The following RND1 variants were observed in gnomAD, a reference collection of about 807,000 sequenced individuals.
RND1 encodes rho-related GTP-binding protein Rho6.
Under a neutral mutation model 27.1 loss-of-function variants are expected in RND1, and 9 were observed. That is an observed-to-expected ratio of 0.33 (90% CI 0.20 to 0.58). RND1 has a LOEUF of 0.58. Among genes scored for constraint, RND1 ranks in the 20% least tolerant of loss-of-function variants. RND1 has a pLI of 0.86. For missense variants in RND1, 253 were observed against 292.2 expected, an observed-to-expected ratio of 0.87 and a Z score of 0.98; for synonymous variants, 108 against 115.7, an observed-to-expected ratio of 0.93 and a Z score of 0.43.
chr12:48,860,896 C>G, intron 4 of RND1, 101 bp downstream of exon 4: 3 of 1,541,072 alleles, frequency 1.9e-6, no homozygotes, highest in Non-Finnish European at 2.7e-6. Context: ...GCAATTCTCT[C>G]TTGCCATAGT....
At chr12:48,861,242 C>T (rs1938916190) in intron 3 of RND1, 111 bp from the exon 4 acceptor site, 4 of 1,036,518 alleles carry the variant, frequency 3.9e-6, no homozygotes, top group African/African-American at 1.6e-5. Flanking sequence ...TCACCTCACT[C>T]ATCACCAGCC....
rs1423539913 is a variant in RND1, at chr12:48,865,633, G to A, written c.120+15C>T. 1 of 1,607,562 alleles carries A rather than the reference G, an allele frequency of 6.2e-7. No individual in the cohort carries two copies. Among genetic ancestry groups the A allele is most frequent in the South Asian group, 1.1e-5 (1 of 90,176 alleles). On this transcript the variant is annotated intron_variant, in intron 1 of 4. Coordinates refer to ENST00000309739, the MANE Select transcript of RND1 (RefSeq NM_014470.4). ...CAGGGAGAAAAGCCGGCCAGCGGGC[G>A]GGCGGGCAGCTCACCTCTGGATAGC... is the stretch of plus-strand genomic sequence containing the variant.
At chr12:48,861,974 C>G (rs1938924026) in intron 3 of RND1, 35 bp downstream of exon 3, 1 of 1,220,218 alleles carries the variant, frequency 8.2e-7, no homozygotes, top group African/African-American at 1.5e-5. Context: ...GGTCCTCATG[C>G]TGAGTTAGAG....
At chr12:48,860,899 G>T in intron 4 of RND1, 98 bp downstream of exon 4, 1 of 1,540,684 alleles carries the variant, frequency 6.5e-7, no homozygotes, top group Non-Finnish European at 8.9e-7. Context: ...ATTCTCTCTT[G>T]CCATAGTGGA....
At position 48,857,327 on chromosome 12, in the gene RND1, C is replaced by A. The variant is rs1409724704; in HGVS notation, c.*669G>T. On this transcript the variant is annotated 3_prime_UTR_variant, in exon 5 of 5. Coordinates refer to ENST00000309739, the MANE Select transcript of RND1 (RefSeq NM_014470.4). ...TGGTGACCCCCACCCAGCCCTGCCC[C>A]TGCAGCACCACCACCCCCACACTCT... 2.6e-5 allele frequency: 4 copies of A among 152,342 alleles called. No homozygotes were observed. The highest frequency in any genetic ancestry group is 5.9e-5 in the Non-Finnish European group (4 of 68,008). The allele number at this position is 152,342 out of a possible 1,614,324, so 9.4% of individuals were successfully genotyped here.
intron 4 of RND1, among the ~76,000 whole-genome samples, chr12:48,860,700 G>C (rs1938909226): frequency 7.0e-6 from 1 of 142,708 alleles, no homozygotes; most frequent in Non-Finnish European, 1.6e-5. Context: ...CTTGCACCTG[G>C]CCTCTTTTTT....
intron 2 of RND1, among the ~76,000 whole-genome samples, chr12:48,862,705 C>G (rs1938932595): frequency 6.6e-6 from 1 of 152,164 alleles, no homozygotes; most frequent in South Asian, 2.1e-4. Context: ...CTGACCGCCC[C>G]ACATCTCAGG....
chr12:48,864,428 C>CGCGCGCGCGCGT (rs776739044), intron 2 of RND1, among the ~76,000 whole-genome samples: 9 of 147,466 alleles, frequency 6.1e-5, no homozygotes, highest in African/African-American at 2.3e-4. Flanking sequence ...CGCGCGCGCG[C>CGCGCGCGCGCGT]GTGTGTGTGC....
intron 3 of RND1, 72 bp from the exon 4 acceptor site, chr12:48,861,203 G>A: frequency 1.3e-6 from 2 of 1,500,004 alleles, no homozygotes; most frequent in Non-Finnish European, 9.0e-7. Context: ...CAGATACCAG[G>A]AGAAGCTTGG....
At chr12:48,865,370 C>A (rs1938972484) in intron 1 of RND1, 2 of 485,030 alleles carry the variant, frequency 4.1e-6, no homozygotes, top group Non-Finnish European at 3.8e-6. Flanking sequence ...CACCTGAGAG[C>A]AGACTCCAGG....
chr12:48,858,966 T>C (rs1456357938), intron 4 of RND1: 2 of 147,924 alleles, frequency 1.4e-5, no homozygotes, highest in Non-Finnish European at 1.5e-5. Context: ...TCTTTTCTTT[T>C]TTTTTTTTTT....
intron 2 of RND1, among the ~76,000 whole-genome samples, chr12:48,864,425 G>A (rs1175045070): frequency 6.1e-5 from 9 of 148,374 alleles, no homozygotes; most frequent in South Asian, 4.4e-4. Context: ...GTGCGCGCGC[G>A]CGCGTGTGTG....
At chr12:48,862,503 C>G (rs1938930823) in intron 2 of RND1, among the ~76,000 whole-genome samples, 1 of 152,138 alleles carries the variant, frequency 6.6e-6, no homozygotes, top group African/African-American at 2.4e-5. Context: ...CCCAACTTCA[C>G]TCCCTTCTGC....
intron 3 of RND1, 82 bp downstream of exon 3, chr12:48,861,927 C>A (rs1355035406): frequency 1.1e-5 from 9 of 816,372 alleles, no homozygotes; most frequent in Non-Finnish European, 1.9e-5. Flanking sequence ...TGATGTTATA[C>A]AAGAGGGCAT....
In RND1 at chr12:48,862,094, C is replaced by A. The variant is rs551476838; in HGVS notation, c.233G>T (p.Arg78Leu). 1 of 1,611,490 alleles carries A rather than the reference C, an allele frequency of 6.2e-7. No homozygotes were observed. Among genetic ancestry groups the A allele is most frequent in the African/African-American group, 1.3e-5 (1 of 74,814 alleles). The stretch of plus-strand genomic sequence containing the variant: ...ATCCGAGTCGCTGTAGCAGAGTGGA[C>A]GGACATTATCGTAGTAGGGAGATCC... The part of the protein sequence containing the change: ...TSGSPYYDNV[R>L]PLCYSDSDAV... The change falls in exon 3 of 5, where the codon CGT becomes CTT. Residue 78 changes from arginine (R) to leucine (L), a missense_variant. Transcript: ENST00000309739.
intron 4 of RND1, chr12:48,858,466 A>G (rs1938873781): frequency 6.0e-6 from 3 of 502,418 alleles, no homozygotes; most frequent in Non-Finnish European, 1.0e-5. Flanking sequence ...ACTGCACATT[A>G]TAAATCATCT....
rs748565593 is a variant in RND1, at chr12:48,858,125, C to T, written c.570G>A (p.Lys190=). The T allele has an allele frequency of 5.0e-6, 8 of 1,614,086 alleles. No individual in the cohort carries two copies. The highest frequency in any genetic ancestry group is 1.3e-5 in the African/African-American group (1 of 74,932). ...FRTASMLCLN[K]PSPLPQKSPV... is the part of the protein sequence containing the mutation. Reference sequence around the variant, plus strand: ...GGCTCTTCTGGGGCAGTGGGCTAGGCTTGTTCAGACACAGCATGGATGCCG... The same window carrying T: ...GGCTCTTCTGGGGCAGTGGGCTAGGTTTGTTCAGACACAGCATGGATGCCG... The change falls in exon 5 of 5, where the codon AAG becomes AAA. Residue 190 remains lysine (K), a synonymous_variant. Coordinates refer to ENST00000309739, the MANE Select transcript of RND1 (RefSeq NM_014470.4).
intron 1 of RND1, 41 bp from the exon 2 acceptor site, chr12:48,864,911 C>T: frequency 7.0e-7 from 1 of 1,421,286 alleles, no homozygotes; most frequent in East Asian, 2.3e-5. Context: ...GCACCCCTAC[C>T]CTCAGATCCC....
intron 4 of RND1, among the ~76,000 whole-genome samples, chr12:48,860,555 C>A (rs11168759): frequency 1.5e-5 from 2 of 131,170 alleles, no homozygotes; most frequent in East Asian, 5.6e-4. Flanking sequence ...CCACACCCAG[C>A]TATTTTTTTT....
Sources: gnomAD v4.1 joint callset for allele counts (sites outside exome capture counted in the v4.1 genomes callset) on GRCh38, gnomAD v4.1.1 for gene constraint, MANE v1.5 for transcripts, NCBI Gene and HGNC (gene_info 2026-07-23, HGNC 2026-07-21) for gene names.